Variants in MICAL3 observed in about 807,000 individuals in gnomAD.
MICAL3 encodes the protein [F-actin]-monooxygenase MICAL3.
In MICAL3, 62 loss-of-function variants were observed where a neutral mutation model predicts 207.4. The observed-to-expected ratio is 0.30, with a 90% CI of 0.24 to 0.37. The LOEUF is 0.37. MICAL3 is among the 10% of genes least tolerant of loss of function. The pLI is 1.00. For missense variants in MICAL3, 2,368 were observed against 2,635.6 expected (o/e 0.90, Z 2.22); for synonymous variants, 1,077 against 1,069.3 (o/e 1.01, Z -0.14).
chr22:17,865,022 G>C (rs1356465797), intron 18 of MICAL3, 36 bp from the exon 19 acceptor site: 1 of 1,572,894 alleles, frequency 6.4e-7, no homozygotes. Flanking sequence ...GAGTGACTCT[G>C]ACTGATGCAC....
In MICAL3 at chr22:17,862,743, CG is replaced by C. The variant is rs797011359; in HGVS notation, c.2605+2155del. On this transcript the variant is annotated intron_variant, in intron 19 of 31. Transcript: ENST00000441493. ...AAGGCTAGCAGCAGAGTGAGCTCACCGGGAGGCAAGGTGCCCTGATTCTGAG... is the reference window on the plus strand; with the variant it reads ...AAGGCTAGCAGCAGAGTGAGCTCACCGGAGGCAAGGTGCCCTGATTCTGAG... The C allele has an allele frequency of 1.4e-5, 14 of 985,352 alleles. No homozygotes were observed. In the East Asian group the frequency reaches 4.5e-4, roughly 32 times the overall value. 61.0% of individuals were successfully genotyped at this position (985,352 alleles called of 1,614,324 possible).
chr22:17,856,304 G>C (rs1925882372), intron 19 of MICAL3, among the ~76,000 whole-genome samples: 1 of 152,218 alleles, frequency 6.6e-6, no homozygotes, highest in Non-Finnish European at 1.5e-5. Context: ...GGGCTTTCTT[G>C]GTTGCAAACA....
intron 1 of MICAL3, among the ~76,000 whole-genome samples, chr22:17,985,044 C>T (rs1936089686): frequency 6.6e-6 from 1 of 152,190 alleles, no homozygotes; most frequent in Admixed American, 6.5e-5. Flanking sequence ...AGGAGACACA[C>T]TGACATTTTA....
At chr22:17,989,086 C>T (rs9306203) in intron 1 of MICAL3, among the ~76,000 whole-genome samples, 13,823 of 152,194 alleles carry the variant, frequency 0.091, 1,515 homozygotes, top group African/African-American at 0.26. Flanking sequence ...CGACTTCCGC[C>T]GTCGCTCTGT....
At chr22:17,957,218 C>T (rs1934656467) in intron 1 of MICAL3, among the ~76,000 whole-genome samples, 1 of 152,144 alleles carries the variant, frequency 6.6e-6, no homozygotes, top group Non-Finnish European at 1.5e-5. Context: ...GAGTGGGCCA[C>T]ACAATCACCA....
At chr22:17,836,599 C>T (rs1393615026) in intron 20 of MICAL3, among the ~76,000 whole-genome samples, 2 of 151,542 alleles carry the variant, frequency 1.3e-5, no homozygotes, top group Non-Finnish European at 2.9e-5. Context: ...GCAGACCCTA[C>T]CATGAAAGAG....
chr22:17,950,748 G>A (rs1934306936), intron 1 of MICAL3, among the ~76,000 whole-genome samples: 2 of 152,216 alleles, frequency 1.3e-5, no homozygotes, highest in Non-Finnish European at 2.9e-5. Context: ...TTGAGAATGA[G>A]TTCGGGGGAG....
At chr22:17,862,772 G>A (rs956986279) in intron 19 of MICAL3, 1 of 985,366 alleles carries the variant, frequency 1.0e-6, no homozygotes, top group Non-Finnish European at 1.2e-6. Flanking sequence ...ATTCTGAGCT[G>A]CCGGACTAAG....
intron 19 of MICAL3, chr22:17,863,630 C>T (rs1243482207): frequency 3.0e-6 from 3 of 985,344 alleles, no homozygotes; most frequent in African/African-American, 1.7e-5. Flanking sequence ...AATAAGGGCA[C>T]GTGCAGTAGC....
At chr22:17,911,013 T>G (rs950918457) in intron 1 of MICAL3, among the ~76,000 whole-genome samples, 2 of 95,214 alleles carry the variant, frequency 2.1e-5, no homozygotes, top group South Asian at 5.8e-4. Context: ...AGGAGCCGGG[T>G]TGGGGGCTGG....
Position 17,872,017 on chromosome 22 carries a change from T to A in MICAL3, c.2248A>T (p.Met750Leu). 1 of 1,602,168 alleles carries A rather than the reference T, an allele frequency of 6.2e-7. No individual in the cohort carries two copies. The highest frequency in any genetic ancestry group is 2.2e-5 in the East Asian group (1 of 44,492). The change falls in exon 17 of 32, where the codon ATG becomes TTG. Residue 750 changes from methionine to leucine, a missense_variant. By Grantham distance (15) the Met-to-Leu change is conservative. This residue lies in a region of MICAL3 where 1,770 missense variants were observed against 1,863.2 expected (regional missense o/e 0.95). Coordinates refer to ENST00000441493, the MANE Select transcript of MICAL3 (RefSeq NM_015241.3). ...AGGTTCTGCGGGAACTCCTTCTTCA[T>A]GGAGCCCTGCAGGAGGTGGCGGTCG... The part of the protein sequence containing the change: ...QSIGIRRQGS[M>L]KKEFPQNLGG...
At chr22:17,880,699 G>C (rs191564673) in intron 16 of MICAL3, among the ~76,000 whole-genome samples, 85 of 152,338 alleles carry the variant, frequency 5.6e-4, no homozygotes, top group African/African-American at 2.0e-3. Flanking sequence ...GGCTGCTCCT[G>C]AATGCTGTGC....
At chr22:17,854,866 C>A (rs9605417) in intron 19 of MICAL3, among the ~76,000 whole-genome samples, 6,789 of 152,312 alleles carry the variant, frequency 0.045, 272 homozygotes, top group African/African-American at 0.1. Context: ...AAGCCTCTGA[C>A]AGACGGGACG....
intron 1 of MICAL3, among the ~76,000 whole-genome samples, chr22:17,949,598 C>T (rs1602273133): frequency 6.6e-6 from 1 of 152,188 alleles, no homozygotes; most frequent in Admixed American, 6.5e-5. Context: ...CTTTTATAAG[C>T]GTGCATGCCA....
At chr22:17,984,446 G>A (rs1936062867) in intron 1 of MICAL3, among the ~76,000 whole-genome samples, 1 of 152,196 alleles carries the variant, frequency 6.6e-6, no homozygotes, top group South Asian at 2.1e-4. Context: ...CGCAGACACC[G>A]ATGCAGAGCT....
At position 17,799,378 on chromosome 22, in the gene MICAL3, C is replaced by G. The variant is rs140862588; in HGVS notation, c.5651-8077G>C. 8.3e-3 allele frequency among the ~76,000 whole-genome samples: 1,271 copies of G among 152,250 alleles called. 23 individuals are homozygous for G. The highest frequency in any genetic ancestry group is 0.029 in the African/African-American group (1,218 of 41,536). ...TCCAGCCCGGGTGACAGAGCCAGACCCTGTCTCAAAAACTTTCACAAAGCA... is the reference window on the plus strand; with the variant it reads ...TCCAGCCCGGGTGACAGAGCCAGACGCTGTCTCAAAAACTTTCACAAAGCA... On this transcript the variant is annotated intron_variant, in intron 29 of 31. Coordinates refer to ENST00000441493, the MANE Select transcript of MICAL3 (RefSeq NM_015241.3).
At chr22:17,937,840 C>T (rs1933612636) in intron 1 of MICAL3, among the ~76,000 whole-genome samples, 2 of 152,154 alleles carry the variant, frequency 1.3e-5, no homozygotes. Context: ...AGGACCATGT[C>T]TCATCTTTTC....
At chr22:17,952,641 C>T (rs1934402823) in intron 1 of MICAL3, among the ~76,000 whole-genome samples, 1 of 152,222 alleles carries the variant, frequency 6.6e-6, no homozygotes, top group Admixed American at 6.5e-5. Context: ...AATCATAAGC[C>T]ATCTGAGCTC....
Position 17,864,939 on chromosome 22 carries a change from T to G in MICAL3, c.2565A>C (p.Gly855=). 6.2e-7 allele frequency: 1 copy of G among 1,613,640 alleles called. No individual in the cohort carries two copies. The highest frequency in any genetic ancestry group is 8.5e-7 in the Non-Finnish European group (1 of 1,179,738). ...LQDGATTDAN[G]RANAVASSTE... ...TGGAGCTGGCCACGGCGTTGGCCCG[T>G]CCGTTTGCATCTGTGGTGGCGCCAT... The change falls in exon 19 of 32, where the codon GGA becomes GGC. Residue 855 remains glycine (G), a synonymous_variant. Transcript: ENST00000441493.
Sources: allele counts gnomAD v4.1 joint callset (sites outside exome capture counted in the v4.1 genomes callset), GRCh38; gene constraint gnomAD v4.1.1; regional missense constraint gnomAD v4.1.1; transcripts MANE v1.5; gene names NCBI Gene and HGNC (gene_info 2026-07-23, HGNC 2026-07-21).